Variants in ARHGAP15 observed in about 807,000 individuals in gnomAD.
ARHGAP15 encodes rho GTPase-activating protein 15.
ARHGAP15 carries 51 observed loss-of-function variants against 63.7 expected under a neutral mutation model. The observed-to-expected ratio is 0.80, with a 90% CI of 0.64 to 1.01. The LOEUF is 1.01. Among genes scored for constraint, ARHGAP15 ranks in the 50% least tolerant of loss-of-function variants. ARHGAP15 has a pLI of 0.00. For synonymous variants in ARHGAP15, 191 were observed against 193.8 expected (o/e 0.99, Z 0.12); for missense variants, 560 against 564.6 (o/e 0.99, Z 0.08).
intron 8 of ARHGAP15, among the ~76,000 whole-genome samples, chr2:143,470,570 AGTGT>A (rs996972025): frequency 1.3e-5 from 2 of 149,986 alleles, no homozygotes; most frequent in Non-Finnish European, 3.0e-5. Flanking sequence ...GCATAAAAGT[AGTGT>A]GTGTGTGTAC....
chr2:143,749,777 T>A (rs971327820), intron 13 of ARHGAP15, among the ~76,000 whole-genome samples: 1 of 152,212 alleles, frequency 6.6e-6, no homozygotes, highest in Non-Finnish European at 1.5e-5. Context: ...ATGATTAACA[T>A]ACAATGTTAC....
chr2:143,693,177 A>G (rs1465733836), intron 12 of ARHGAP15, among the ~76,000 whole-genome samples: 1 of 152,198 alleles, frequency 6.6e-6, no homozygotes, highest in Non-Finnish European at 1.5e-5. Flanking sequence ...CTCATTTGCA[A>G]GAGAGTCGAA....
At chr2:143,504,603 T>G (rs1693219571) in intron 9 of ARHGAP15, among the ~76,000 whole-genome samples, 1 of 152,236 alleles carries the variant, frequency 6.6e-6, no homozygotes, top group Non-Finnish European at 1.5e-5. Context: ...CATGGCTCCC[T>G]CCTGTGTAAT....
At chr2:143,681,569 G>T (rs1350108911) in intron 12 of ARHGAP15, among the ~76,000 whole-genome samples, 4 of 152,132 alleles carry the variant, frequency 2.6e-5, no homozygotes, top group African/African-American at 4.8e-5. Context: ...CTTCATCACA[G>T]GTTTGATCGG....
At chr2:143,379,552 C>T (rs1299945645) in intron 6 of ARHGAP15, among the ~76,000 whole-genome samples, 6 of 138,860 alleles carry the variant, frequency 4.3e-5, no homozygotes, top group African/African-American at 1.5e-4. Context: ...AGAGAATCAG[C>T]TTCATCATGG....
At chr2:143,660,373 A>G (rs1681694909) in intron 12 of ARHGAP15, among the ~76,000 whole-genome samples, 1 of 152,206 alleles carries the variant, frequency 6.6e-6, no homozygotes. Flanking sequence ...ACTGCTTTCA[A>G]GCAGATACCA....
chr2:143,362,786 C>G (rs1288079670), intron 6 of ARHGAP15, among the ~76,000 whole-genome samples: 1 of 152,034 alleles, frequency 6.6e-6, no homozygotes, highest in African/African-American at 2.4e-5. Flanking sequence ...CTGAACACAC[C>G]CCAGTCTAAA....
intron 10 of ARHGAP15, among the ~76,000 whole-genome samples, chr2:143,535,660 G>A (rs899166375): frequency 2.6e-5 from 4 of 152,038 alleles, no homozygotes; most frequent in Non-Finnish European, 5.9e-5. Flanking sequence ...ATCTCTCATG[G>A]CACTTCAAGA....
intron 11 of ARHGAP15, chr2:143,587,732 G>A (rs1199948248): frequency 6.4e-6 from 3 of 470,620 alleles, no homozygotes; most frequent in Admixed American, 2.4e-5. Flanking sequence ...ATGGAGACCT[G>A]TGGACACCCC....
intron 13 of ARHGAP15, among the ~76,000 whole-genome samples, chr2:143,746,644 G>A (rs576185207): frequency 6.6e-6 from 1 of 152,336 alleles, no homozygotes; most frequent in African/African-American, 2.4e-5. Context: ...GAGGAAAGCT[G>A]AAGGTAACAT....
Position 143,519,375 on chromosome 2 carries a change from G to T in ARHGAP15, c.925+11G>T. On this transcript the variant is annotated intron_variant, in intron 10 of 13. Transcript: ENST00000295095. Reference sequence around the variant, plus strand: ...CTGTTGAGAAAAGAGGTGGGTGACTGAATGTGCAGCAGTTCCCCCCATTAC... The same window carrying T: ...CTGTTGAGAAAAGAGGTGGGTGACTTAATGTGCAGCAGTTCCCCCCATTAC... 1.2e-6 allele frequency: 2 copies of T among 1,606,298 alleles called. No homozygotes were observed. Among genetic ancestry groups the T allele is most frequent in the South Asian group, 2.2e-5 (2 of 90,830 alleles).
chr2:143,675,163 ACTTT>A (rs1682762936), intron 12 of ARHGAP15, among the ~76,000 whole-genome samples: 1 of 152,186 alleles, frequency 6.6e-6, no homozygotes, highest in African/African-American at 2.4e-5. Context: ...TCAAGAAACC[ACTTT>A]CTTTCTCAAC....
chr2:143,292,789 T>A (rs1438715268), intron 6 of ARHGAP15, among the ~76,000 whole-genome samples: 2 of 152,004 alleles, frequency 1.3e-5, no homozygotes, highest in Non-Finnish European at 2.9e-5. Context: ...TGAAAATAAT[T>A]CTTATAATAG....
At chr2:143,404,932 A>G (rs1688134093) in intron 6 of ARHGAP15, among the ~76,000 whole-genome samples, 1 of 152,034 alleles carries the variant, frequency 6.6e-6, no homozygotes, top group Non-Finnish European at 1.5e-5. Context: ...TGATATTGGC[A>G]TACGCAGTAT....
At chr2:143,450,605 TC>T (rs1189780922) in intron 8 of ARHGAP15, among the ~76,000 whole-genome samples, 1 of 151,952 alleles carries the variant, frequency 6.6e-6, no homozygotes, top group Non-Finnish European at 1.5e-5. Flanking sequence ...ATTTTTTACC[TC>T]GCAAGTAGAG....
intron 2 of ARHGAP15, 118 bp downstream of exon 2, chr2:143,155,773 T>C: frequency 2.0e-6 from 2 of 1,025,596 alleles, no homozygotes. Flanking sequence ...AGAAAACTGT[T>C]TTTGTAATGC....
chr2:143,560,165 T>G (rs1287648051), intron 11 of ARHGAP15, among the ~76,000 whole-genome samples: 1 of 152,244 alleles, frequency 6.6e-6, no homozygotes, highest in Non-Finnish European at 1.5e-5. Flanking sequence ...TCAGTGGGAA[T>G]TAGATACCCT....
At chr2:143,243,600 T>A (rs1049540934) in intron 5 of ARHGAP15, among the ~76,000 whole-genome samples, 8 of 152,158 alleles carry the variant, frequency 5.3e-5, no homozygotes, top group Admixed American at 5.2e-4. Flanking sequence ...GCAGACTTTT[T>A]CTTGTGTTTT....
intron 2 of ARHGAP15, among the ~76,000 whole-genome samples, chr2:143,192,345 A>G (rs1226525136): frequency 1.3e-5 from 2 of 152,242 alleles, no homozygotes; most frequent in African/African-American, 4.8e-5. Context: ...TCAGAGAGAA[A>G]GATCATGCCT....
Sources: gnomAD v4.1 joint callset for allele counts (sites outside exome capture counted in the v4.1 genomes callset) on GRCh38, gnomAD v4.1.1 for gene constraint, MANE v1.5 for transcripts, NCBI Gene and HGNC (gene_info 2026-07-23, HGNC 2026-07-21) for gene names.